PTPN4: variants seen among roughly 807,000 people sequenced by gnomAD.
PTPN4 encodes the protein tyrosine-protein phosphatase non-receptor type 4.
A neutral mutation model predicts 135.5 loss-of-function variants in PTPN4; 49 were observed. The observed-to-expected ratio is 0.36, with a 90% confidence interval of 0.29 to 0.46. PTPN4 has a LOEUF of 0.46. PTPN4 is among the 20% of genes least tolerant of loss of function. The pLI, the probability that PTPN4 is intolerant of heterozygous loss-of-function variation, is 1.00. For synonymous variants in PTPN4, 333 were observed against 369.9 expected, an observed-to-expected ratio of 0.90 and a Z score of 1.14; for missense variants, 860 against 1,101.0, an observed-to-expected ratio of 0.78 and a Z score of 3.10.
chr2:119,941,022 A>T (rs145737396), intron 15 of PTPN4, among the ~76,000 whole-genome samples: 14 of 152,108 alleles, frequency 9.2e-5, no homozygotes, highest in Admixed American at 9.2e-4. Context: ...GTAATTTCTG[A>T]CAGGGCTGTG....
At chr2:119,865,452 C>A (rs1159367598) in intron 3 of PTPN4, among the ~76,000 whole-genome samples, 1 of 152,054 alleles carries the variant, frequency 6.6e-6, no homozygotes, top group Admixed American at 6.6e-5. Flanking sequence ...TAGAAGTCAA[C>A]TAATTTGTTT....
chr2:119,892,518 A>G (rs970711859), intron 9 of PTPN4, among the ~76,000 whole-genome samples: 3 of 152,208 alleles, frequency 2.0e-5, no homozygotes, highest in African/African-American at 7.2e-5. Context: ...CTCACTGAGA[A>G]GGTAAACAGA....
chr2:119,793,849 T>G (rs1037492079), intron 1 of PTPN4, among the ~76,000 whole-genome samples: 1 of 30,718 alleles, frequency 3.3e-5, no homozygotes, highest in African/African-American at 1.0e-4. Flanking sequence ...ATTTTTAGTT[T>G]TTTTTTTTTT....
At chr2:119,814,981 T>G (rs550970874) in intron 2 of PTPN4, among the ~76,000 whole-genome samples, 1 of 152,278 alleles carries the variant, frequency 6.6e-6, no homozygotes, top group South Asian at 2.1e-4. Context: ...CACTAGAAAA[T>G]TATTTTATCA....
At chr2:119,952,864 C>T (rs1047999178) in intron 19 of PTPN4, among the ~76,000 whole-genome samples, 89 of 152,194 alleles carry the variant, frequency 5.8e-4, no homozygotes, top group African/African-American at 1.8e-3. Context: ...AGATAGAGCA[C>T]TTTGTGGCTC....
intron 12 of PTPN4, among the ~76,000 whole-genome samples, chr2:119,921,218 C>T (rs1354898538): frequency 6.6e-6 from 1 of 151,988 alleles, no homozygotes; most frequent in African/African-American, 2.4e-5. Flanking sequence ...ACCCAGGAGG[C>T]AGGGGTTTCA....
chr2:119,808,012 AC>A (rs1282193156), intron 1 of PTPN4, among the ~76,000 whole-genome samples: 1 of 152,252 alleles, frequency 6.6e-6, no homozygotes, highest in Non-Finnish European at 1.5e-5. Flanking sequence ...AAGGCCTTTG[AC>A]AAAATTCAAC....
intron 18 of PTPN4, among the ~76,000 whole-genome samples, chr2:119,949,241 A>C (rs1357822052): frequency 6.6e-6 from 1 of 152,164 alleles, no homozygotes; most frequent in African/African-American, 2.4e-5. Flanking sequence ...AAACATAGTC[A>C]TTCTATTGGG....
chr2:119,831,316 G>A (rs1286320741), intron 2 of PTPN4, among the ~76,000 whole-genome samples: 2 of 152,138 alleles, frequency 1.3e-5, no homozygotes, highest in African/African-American at 4.8e-5. Flanking sequence ...GACTGATACT[G>A]GTTATGGCTT....
intron 9 of PTPN4, among the ~76,000 whole-genome samples, chr2:119,894,889 A>G (rs1421320060): frequency 6.6e-6 from 1 of 152,234 alleles, no homozygotes; most frequent in Non-Finnish European, 1.5e-5. Flanking sequence ...AGGATTAAAA[A>G]TAACTATTTT....
At chr2:119,823,730 A>C (rs1372091030) in intron 2 of PTPN4, among the ~76,000 whole-genome samples, 1 of 152,178 alleles carries the variant, frequency 6.6e-6, no homozygotes, top group Non-Finnish European at 1.5e-5. Context: ...TCTTACTGAG[A>C]GAGAGAGGCT....
At chr2:119,801,160 T>G in intron 1 of PTPN4, among the ~76,000 whole-genome samples, 1 of 152,206 alleles carries the variant, frequency 6.6e-6, no homozygotes, top group East Asian at 1.9e-4. Flanking sequence ...ACGATCTTGG[T>G]TCACTGAAGC....
chr2:119,917,490 G>C (rs1437694988), intron 11 of PTPN4, among the ~76,000 whole-genome samples: 1 of 152,102 alleles, frequency 6.6e-6, no homozygotes, highest in Non-Finnish European at 1.5e-5. Context: ...TCCCAGCACT[G>C]TGGGAGGCTG....
At chr2:119,872,022 G>A (rs1432637474) in intron 3 of PTPN4, among the ~76,000 whole-genome samples, 2 of 152,178 alleles carry the variant, frequency 1.3e-5, no homozygotes, top group Non-Finnish European at 2.9e-5. Flanking sequence ...AAGGGGAGCT[G>A]TAGTGGGAAA....
At chr2:119,761,618 A>AT in intron 1 of PTPN4, among the ~76,000 whole-genome samples, 1 of 152,288 alleles carries the variant, frequency 6.6e-6, no homozygotes, top group East Asian at 1.9e-4. Context: ...CACAAAAGCA[A>AT]TTTTTATGTC....
At position 119,783,582 on chromosome 2, in the gene PTPN4, C is replaced by CA. The variant is rs1690986668; in HGVS notation, c.-18+23199dup. Among the ~76,000 whole-genome samples the CA allele has an allele frequency of 2.6e-5, 4 of 152,170 alleles. No individual in the cohort carries two copies. In the South Asian group the frequency reaches 8.3e-4, roughly 32 times the overall value. On this transcript the variant is annotated intron_variant, in intron 1 of 26. Transcript: ENST00000263708. ...TTGAAAATAACAATCAGAATAATTT[C>CA]AGCATGAAGAAATAGAAATCATTAT...
At position 119,982,899 on chromosome 2, in the gene PTPN4, G is replaced by A. The variant is rs919438450; in HGVS notation, c.*5829G>A. On this transcript the variant is annotated 3_prime_UTR_variant, in exon 27 of 27. Transcript: ENST00000263708. ...TAGCAGTGATGTCTTATATGCTTACGAGTTTATATTAATTCAGCTGAACAA... is the reference window on the plus strand; with the variant it reads ...TAGCAGTGATGTCTTATATGCTTACAAGTTTATATTAATTCAGCTGAACAA... 5 of 152,136 alleles carry A rather than the reference G, an allele frequency of 3.3e-5. No individual in the cohort carries two copies. The highest frequency in any genetic ancestry group is 4.8e-5 in the African/African-American group (2 of 41,406). The allele number at this position is 152,136 out of a possible 1,614,324, so 9.4% of individuals were successfully genotyped here. A position where few individuals can be genotyped will look rare whatever the true frequency, so the allele number is the denominator to read the frequency against.
chr2:119,772,126 T>G (rs182725821), intron 1 of PTPN4, among the ~76,000 whole-genome samples: 2 of 152,350 alleles, frequency 1.3e-5, no homozygotes, highest in Admixed American at 1.3e-4. Flanking sequence ...AATTGTTTCA[T>G]TTGCATTGAA....
chr2:119,864,314 T>TA (rs1466122929), intron 3 of PTPN4, among the ~76,000 whole-genome samples: 3 of 152,128 alleles, frequency 2.0e-5, no homozygotes, highest in Admixed American at 6.5e-5. Context: ...TGTTACTTTT[T>TA]AAATGCCTTT....
Sources: gnomAD v4.1 joint callset for allele counts (sites outside exome capture counted in the v4.1 genomes callset) on GRCh38, gnomAD v4.1.1 for gene constraint, MANE v1.5 for transcripts, NCBI Gene and HGNC (gene_info 2026-07-23, HGNC 2026-07-21) for gene names.